Variants in BPTF observed in about 807,000 individuals in gnomAD.
The protein encoded by BPTF is bromodomain PHD finger transcription factor.
Under a neutral mutation model 292.5 loss-of-function variants are expected in BPTF, and 18 were observed. The observed-to-expected ratio is 0.06, with a 90% CI of 0.04 to 0.09. BPTF has a LOEUF of 0.09. Among genes scored for constraint, BPTF ranks in the 10% least tolerant of loss-of-function variants. The pLI is 1.00. For synonymous variants in BPTF, 1,225 were observed against 1,251.9 expected (o/e 0.98, Z 0.45); for missense variants, 2,726 against 3,498.7 (o/e 0.78, Z 5.57).
chr17:67,870,646 G>A (rs1016555404), intron 3 of BPTF, among the ~76,000 whole-genome samples: 3 of 151,994 alleles, frequency 2.0e-5, no homozygotes, highest in Admixed American at 2.0e-4. Context: ...GAAAACAATG[G>A]AAACTACTGG....
At chr17:67,826,587 C>CT (rs1555605610) in intron 1 of BPTF, among the ~76,000 whole-genome samples, 4 of 148,034 alleles carry the variant, frequency 2.7e-5, no homozygotes, top group Admixed American at 2.7e-4. Context: ...CTCTCCCCCC[C>CT]CCAACCCCCT....
intron 18 of BPTF, among the ~76,000 whole-genome samples, chr17:67,932,803 TAAA>T (rs985864496): frequency 6.8e-6 from 1 of 147,294 alleles, no homozygotes; most frequent in Non-Finnish European, 1.5e-5. Flanking sequence ...CTACAAAAGA[TAAA>T]AAAACTAGAG....
At chr17:67,979,169 CAAAAAAAA>C (rs11376410) in intron 27 of BPTF, among the ~76,000 whole-genome samples, 1 of 72,566 alleles carries the variant, frequency 1.4e-5, no homozygotes, top group Non-Finnish European at 2.2e-5. Flanking sequence ...GACCCTGTCT[CAAAAAAAA>C]AAAAAAAAAA....
At chr17:67,908,253 G>C (rs1314961038) in intron 9 of BPTF, among the ~76,000 whole-genome samples, 2 of 152,048 alleles carry the variant, frequency 1.3e-5, no homozygotes, top group Non-Finnish European at 2.9e-5. Flanking sequence ...CTGCCTCCCA[G>C]GTTGAAGCAA....
intron 2 of BPTF, among the ~76,000 whole-genome samples, chr17:67,857,199 A>G (rs1598278414): frequency 8.2e-6 from 1 of 121,836 alleles, no homozygotes; most frequent in Non-Finnish European, 1.6e-5. Context: ...TCTGTCGCCC[A>G]GGCTGGAGTG....
intron 18 of BPTF, among the ~76,000 whole-genome samples, chr17:67,937,381 CAAA>C (rs58944920): frequency 3.2e-5 from 4 of 123,816 alleles, no homozygotes; most frequent in Non-Finnish European, 3.6e-5. Context: ...CGGACTTTGT[CAAA>C]AAAAAAAAAG....
At position 67,854,481 on chromosome 17, in the gene BPTF, G is replaced by A. The variant is rs1368215728; in HGVS notation, c.1155G>A (p.Gly385=). ...NIAREELMSE[G]VIQYDDHCRV... is the part of the protein sequence containing the mutation. ...CTCGAGAGGAATTGATGTCTGAAGG[G>A]GTGATACAGTATGATGACCATTGTA... Residue 385 remains glycine, a synonymous_variant, in exon 2 of 28, where the codon GGG becomes GGA. Coordinates refer to ENST00000306378, the MANE Select transcript of BPTF (RefSeq NM_182641.4). This position sits in a 1 kb window ranked among gnomAD's most constrained non-coding sequence, Gnocchi z 5.6. 1 of 1,614,190 alleles carries A rather than the reference G, an allele frequency of 6.2e-7. No individual in the cohort carries two copies. The highest frequency in any genetic ancestry group is 1.3e-5 in the African/African-American group (1 of 75,030).
At chr17:67,905,852 G>A (rs2146709850) in intron 9 of BPTF, among the ~76,000 whole-genome samples, 1 of 152,128 alleles carries the variant, frequency 6.6e-6, no homozygotes, top group African/African-American at 2.4e-5. Flanking sequence ...GTTTTTCAGT[G>A]AGAACATTTG....
chr17:67,916,894 C>G (rs1016897466), intron 11 of BPTF, among the ~76,000 whole-genome samples: 1 of 151,798 alleles, frequency 6.6e-6, no homozygotes, highest in African/African-American at 2.4e-5. Context: ...TAATCAACCA[C>G]TAAGTTCATT....
intron 23 of BPTF, among the ~76,000 whole-genome samples, chr17:67,952,604 A>G (rs2148106500): frequency 6.6e-6 from 1 of 152,296 alleles, no homozygotes; most frequent in Admixed American, 6.5e-5. Context: ...TGCAGAACGT[A>G]CAGTTCCCAT....
chr17:67,859,187 C>G (rs1459013890), intron 2 of BPTF, among the ~76,000 whole-genome samples: 1 of 151,844 alleles, frequency 6.6e-6, no homozygotes, highest in African/African-American at 2.4e-5. Flanking sequence ...TCACTGTCGC[C>G]CAGGCTAGAG....
chr17:67,909,588 A>C lies in BPTF; in HGVS notation c.2819A>C (p.Asn940Thr). ...GTTACATGGTTCTTTTTAGCCAAAAATAATATGGATGAAAATATGGATGAG... is the reference window on the plus strand; with the variant it reads ...GTTACATGGTTCTTTTTAGCCAAAACTAATATGGATGAAAATATGGATGAG... Reference protein sequence around the residue: ...NYRKSLEGTKNNMDENMDESD... With the variant: ...NYRKSLEGTKTNMDENMDESD... Residue 940 changes from asparagine to threonine, a missense_variant, in exon 10 of 28, where the codon AAT becomes ACT. Coordinates refer to ENST00000306378, the MANE Select transcript of BPTF (RefSeq NM_182641.4). The C allele has an allele frequency of 6.5e-7, 1 of 1,546,844 alleles. No homozygotes were observed.
chr17:67,904,912 G>T, intron 9 of BPTF, 72 bp downstream of exon 9: 5 of 1,250,026 alleles, frequency 4.0e-6, no homozygotes, highest in Middle Eastern at 2.9e-4. Flanking sequence ...GTAGTATTTT[G>T]ACTATATTTT....
intron 27 of BPTF, 123 bp from the exon 28 acceptor site, chr17:67,982,129 C>T: frequency 2.3e-6 from 2 of 877,068 alleles, no homozygotes; most frequent in Non-Finnish European, 3.8e-6. Flanking sequence ...ATTCGCTTGC[C>T]AAGGGTGAAT....
Position 67,874,856 on chromosome 17 carries a change from T to C in BPTF, c.1700T>C (p.Ile567Thr), listed in dbSNP as rs781047955. 1.9e-6 allele frequency: 3 copies of C among 1,613,332 alleles called. No individual in the cohort carries two copies. Among genetic ancestry groups the C allele is most frequent in the South Asian group, 2.2e-5 (2 of 90,870 alleles). The stretch of plus-strand genomic sequence containing the variant: ...TCCATAAGAGCCAAAAAGGGAGACA[T>C]TGATAATGTTAAAAGCCCAGAAGAA... ...LESIRAKKGDIDNVKSPEETE... is the reference protein window; with the variant it reads ...LESIRAKKGDTDNVKSPEETE... The change falls in exon 4 of 28, where the codon ATT becomes ACT. Residue 567 changes from isoleucine to threonine, a missense_variant. This residue lies in a region of BPTF where 187 missense variants were observed against 201.5 expected (regional missense o/e 0.93). Transcript: ENST00000306378.
chr17:67,858,680 ACGTTC>A (rs1360847296), intron 2 of BPTF, among the ~76,000 whole-genome samples: 1 of 152,106 alleles, frequency 6.6e-6, no homozygotes, highest in Non-Finnish European at 1.5e-5. Flanking sequence ...TTAGCAGGTC[ACGTTC>A]ACGCAGTCTC....
intron 4 of BPTF, among the ~76,000 whole-genome samples, chr17:67,889,373 T>G (rs1240975068): frequency 6.6e-6 from 1 of 152,200 alleles, no homozygotes; most frequent in Non-Finnish European, 1.5e-5. Context: ...TTAGGAAGCT[T>G]TTTAAAAGCA....
intron 1 of BPTF, among the ~76,000 whole-genome samples, chr17:67,842,817 CAAAAAAAAA>C (rs60085248): frequency 1.3e-4 from 6 of 47,804 alleles, no homozygotes; most frequent in Non-Finnish European, 1.6e-4. Context: ...CAATTAAGGC[CAAAAAAAAA>C]AAAAAAAAAA....
chr17:67,869,356 A>G (rs896914863), intron 3 of BPTF, among the ~76,000 whole-genome samples: 7 of 152,218 alleles, frequency 4.6e-5, no homozygotes, highest in African/African-American at 1.4e-4. Context: ...ACAAAGTCAA[A>G]ACAGGAATGG....
Sources: allele counts gnomAD v4.1 joint callset (sites outside exome capture counted in the v4.1 genomes callset), GRCh38; gene constraint gnomAD v4.1.1; regional missense constraint gnomAD v4.1.1; non-coding constraint Gnocchi (gnomAD v3.1); transcripts MANE v1.5; gene names NCBI Gene and HGNC (gene_info 2026-07-23, HGNC 2026-07-21).